FCHSD2: variants seen among roughly 807,000 people sequenced by gnomAD.
FCHSD2 encodes the protein FCH and double SH3 domains 2.
A neutral mutation model predicts 108.1 loss-of-function variants in FCHSD2; 38 were observed. The ratio of observed to expected loss-of-function variants is 0.35; its 90% CI spans 0.27 to 0.46. The LOEUF (loss-of-function observed/expected upper bound fraction) is 0.46, where lower values mean the gene tolerates loss of function less well. Ranked by LOEUF, FCHSD2 falls within the 20% of genes least tolerant of loss-of-function variation. The probability of loss-of-function intolerance (pLI) is 1.00; values close to 1 mark genes in which losing one functional copy is unlikely to be tolerated. For synonymous variants in FCHSD2, 279 were observed against 314.7 expected, an observed-to-expected ratio of 0.89 and a Z score of 1.20; for missense variants, 751 against 897.8, an observed-to-expected ratio of 0.84 and a Z score of 2.09.
chr11:72,996,768 TA>T (rs1262232372), intron 5 of FCHSD2, among the ~76,000 whole-genome samples: 4 of 152,152 alleles, frequency 2.6e-5, no homozygotes, highest in Non-Finnish European at 5.9e-5. Context: ...CTGGAAAGTG[TA>T]AAAGTTGAAC....
At chr11:73,110,908 C>T (rs891226078) in intron 2 of FCHSD2, among the ~76,000 whole-genome samples, 6 of 152,078 alleles carry the variant, frequency 3.9e-5, no homozygotes, top group Non-Finnish European at 1.5e-5. Context: ...TCAATTTCCT[C>T]CTTAATTTCT....
chr11:72,895,634 G>C (rs954829570), intron 10 of FCHSD2, among the ~76,000 whole-genome samples: 1 of 152,142 alleles, frequency 6.6e-6, no homozygotes, highest in Non-Finnish European at 1.5e-5. Context: ...TCAGGAGAAA[G>C]GTGACTAAAC....
At chr11:72,846,747 A>G (rs1861156017) in intron 14 of FCHSD2, among the ~76,000 whole-genome samples, 1 of 152,200 alleles carries the variant, frequency 6.6e-6, no homozygotes, top group Admixed American at 6.5e-5. Context: ...CTTTTAAAAC[A>G]ATATGTTTTT....
chr11:72,939,609 CTTTTTTTTT>C (rs1194333407), intron 8 of FCHSD2, among the ~76,000 whole-genome samples: 9 of 65,466 alleles, frequency 1.4e-4, no homozygotes, highest in East Asian at 4.6e-4. Context: ...CTTTCTTTTC[CTTTTTTTTT>C]TTTTTTTTTT....
intron 13 of FCHSD2, among the ~76,000 whole-genome samples, chr11:72,863,283 A>T (rs1854640872): frequency 6.7e-6 from 1 of 149,544 alleles, no homozygotes; most frequent in African/African-American, 2.5e-5. Flanking sequence ...AAGGACAGTT[A>T]AAAAAAAAAG....
chr11:73,141,873 T>C lies in FCHSD2; in HGVS notation c.5A>G (p.Gln2Arg), dbSNP rs764999746. M[Q>R]PPPRKVKVTQ... ...CGCCCTTACCTTCCTCGGCGGCGGC[T>C]GCATGATGCTGAAGGGACATCAATC... is the stretch of plus-strand genomic sequence containing the variant. Residue 2 changes from glutamine (Q) to arginine (R), a missense_variant, in exon 1 of 20, where the codon CAG becomes CGG. Transcript: ENST00000409418. 1.3e-4 allele frequency: 204 copies of C among 1,544,918 alleles called. No homozygotes were observed. The highest frequency in any genetic ancestry group is 1.7e-4 in the Non-Finnish European group (195 of 1,145,920).
intron 5 of FCHSD2, among the ~76,000 whole-genome samples, chr11:72,991,676 T>C (rs957569070): frequency 3.9e-5 from 6 of 152,296 alleles, no homozygotes; most frequent in African/African-American, 9.6e-5. Flanking sequence ...ATTATCTCAA[T>C]AGATGTAGAA....
rs1424572850 is a variant in FCHSD2, at chr11:73,045,979, A to C, written c.166-30094T>G. On this transcript the variant is annotated intron_variant, in intron 3 of 19. Coordinates refer to ENST00000409418, the MANE Select transcript of FCHSD2 (RefSeq NM_014824.3). Reference sequence around the variant, plus strand: ...ATCTCTTGCTTATATTTCTACAATAATTTCAGTAATTTTTTTTTTTTTTTT... The same window carrying C: ...ATCTCTTGCTTATATTTCTACAATACTTTCAGTAATTTTTTTTTTTTTTTT... Among the ~76,000 whole-genome samples the C allele has an allele frequency of 3.7e-5, 5 of 134,292 alleles. No individual in the cohort carries two copies. The East Asian group carries it at 1.1e-3, about 28-fold the overall frequency. The allele number at this position is 134,292 out of a possible 152,430, so 88.1% of individuals were successfully genotyped here.
chr11:72,869,198 C>T (rs1854796998), intron 12 of FCHSD2, among the ~76,000 whole-genome samples: 1 of 152,164 alleles, frequency 6.6e-6, no homozygotes, highest in East Asian at 1.9e-4. Flanking sequence ...TGAGCCACCT[C>T]ACCCAGCCAA....
At chr11:73,126,101 G>A (rs2135565363) in intron 2 of FCHSD2, among the ~76,000 whole-genome samples, 1 of 152,078 alleles carries the variant, frequency 6.6e-6, no homozygotes, top group African/African-American at 2.4e-5. Flanking sequence ...CAGCACTTTG[G>A]GAGGCCGAGG....
At chr11:72,935,930 G>A (rs1004600628) in intron 8 of FCHSD2, among the ~76,000 whole-genome samples, 1 of 152,218 alleles carries the variant, frequency 6.6e-6, no homozygotes, top group African/African-American at 2.4e-5. Context: ...AGATAAGTCA[G>A]ATGTCTGAAA....
intron 3 of FCHSD2, among the ~76,000 whole-genome samples, chr11:73,022,751 GAAC>G (rs1372512620): frequency 4.6e-5 from 7 of 152,002 alleles, no homozygotes; most frequent in African/African-American, 1.7e-4. Flanking sequence ...AGAAAAATAA[GAAC>G]AAAATCAGAG....
chr11:72,938,283 A>T (rs1351100865), intron 8 of FCHSD2, among the ~76,000 whole-genome samples: 1 of 149,492 alleles, frequency 6.7e-6, no homozygotes, highest in African/African-American at 2.5e-5. Context: ...TCCTGGGTTC[A>T]AGTGATTCTT....
At position 72,875,604 on chromosome 11, in the gene FCHSD2, T is replaced by C. The variant is rs538888695; in HGVS notation, c.1147-7578A>G. ...CTCCTGCCCTGGCCTCCCAAAATGCTGGAATTAGAGGTGTCAGCCACCATC... is the reference window on the plus strand; with the variant it reads ...CTCCTGCCCTGGCCTCCCAAAATGCCGGAATTAGAGGTGTCAGCCACCATC... On this transcript the variant is annotated intron_variant, in intron 12 of 19. Coordinates refer to ENST00000409418, the MANE Select transcript of FCHSD2 (RefSeq NM_014824.3). 2.0e-5 allele frequency among the ~76,000 whole-genome samples: 3 copies of C among 152,284 alleles called. No homozygotes were observed. The South Asian group carries it at 6.2e-4, about 32-fold the overall frequency.
chr11:73,102,053 T>C (rs1214289496), intron 2 of FCHSD2, among the ~76,000 whole-genome samples: 2 of 152,192 alleles, frequency 1.3e-5, no homozygotes, highest in African/African-American at 4.8e-5. Context: ...GAAGACCATA[T>C]TTTTAAATAT....
intron 3 of FCHSD2, among the ~76,000 whole-genome samples, chr11:73,019,495 T>C (rs1247183330): frequency 6.6e-6 from 1 of 152,230 alleles, no homozygotes; most frequent in Non-Finnish European, 1.5e-5. Flanking sequence ...TTGTGCATTA[T>C]AAATTACAAT....
intron 14 of FCHSD2, among the ~76,000 whole-genome samples, chr11:72,845,437 C>CAAAAAAAAAAAAAAAA (rs755929012): frequency 1.2e-5 from 1 of 81,946 alleles, no homozygotes; most frequent in Non-Finnish European, 2.3e-5. Flanking sequence ...GACCCTGTCT[C>CAAAAAAAAAAAAAAAA]AAAAAAAAAA....
chr11:72,912,739 A>C lies in FCHSD2; in HGVS notation c.828+9089T>G, dbSNP rs570788898. Among the ~76,000 whole-genome samples, 6 of 152,304 alleles carry C rather than the reference A, an allele frequency of 3.9e-5. No homozygotes were observed. In the South Asian group the frequency reaches 1.2e-3, roughly 32 times the overall value. On this transcript the variant is annotated intron_variant, in intron 9 of 19. Transcript: ENST00000409418. ...AAATGTTTGATAAAATTCAGCAGCA[A>C]AGCCACCCAGTCCCAGGCTTTTCCT...
rs369839004 is a variant in FCHSD2, at chr11:73,029,924, G to C, written c.166-14039C>G. On this transcript the variant is annotated intron_variant, in intron 3 of 19. Transcript: ENST00000409418. ...CTACTTATGTTAATCAAAAACAAAA[G>C]AAAAACAAAAACAAAAACAAACTAG... Among the ~76,000 whole-genome samples the C allele has an allele frequency of 1.2e-3, 181 of 151,970 alleles. 1 individual carries two copies. The highest frequency in any genetic ancestry group is 3.4e-3 in the Middle Eastern group (1 of 292).
Sources: gnomAD v4.1 joint callset for allele counts (sites outside exome capture counted in the v4.1 genomes callset) on GRCh38, gnomAD v4.1.1 for gene constraint, MANE v1.5 for transcripts, NCBI Gene and HGNC (gene_info 2026-07-23, HGNC 2026-07-21) for gene names.